TMCC1: variants seen among roughly 807,000 people sequenced by gnomAD.
TMCC1 encodes transmembrane and coiled-coil domain family 1, also known as transmembrane and coiled-coil domains protein 1.
A neutral mutation model predicts 52.4 loss-of-function variants in TMCC1; 15 were observed. The ratio of observed to expected loss-of-function variants is 0.29; its 90% confidence interval spans 0.19 to 0.44. The LOEUF is 0.44. TMCC1 is among the 20% of genes least tolerant of loss of function. The pLI is 1.00. For missense variants in TMCC1, 503 were observed against 806.0 expected (o/e 0.62, Z 4.55); for synonymous variants, 279 against 301.9 (o/e 0.92, Z 0.79).
chr3:129,678,762 G>A (rs2088698737), intron 4 of TMCC1, among the ~76,000 whole-genome samples: 1 of 152,136 alleles, frequency 6.6e-6, no homozygotes, highest in Non-Finnish European at 1.5e-5. Context: ...AGTTGTTCAA[G>A]ATCACAAATT....
At chr3:129,829,222 C>T (rs2058793539) in intron 3 of TMCC1, among the ~76,000 whole-genome samples, 1 of 152,120 alleles carries the variant, frequency 6.6e-6, no homozygotes, top group Non-Finnish European at 1.5e-5. Flanking sequence ...TACCAGCTAT[C>T]AAGAAAGGAG....
chr3:129,737,482 A>G (rs1035234381), intron 4 of TMCC1, among the ~76,000 whole-genome samples: 13 of 143,382 alleles, frequency 9.1e-5, no homozygotes, highest in African/African-American at 3.0e-4. Context: ...TCCATCTCAG[A>G]AAAAAAAAAA....
At chr3:129,882,898 T>G (rs1053221260) in intron 1 of TMCC1, among the ~76,000 whole-genome samples, 8 of 152,140 alleles carry the variant, frequency 5.3e-5, no homozygotes, top group Non-Finnish European at 1.2e-4. Flanking sequence ...TAAAAGACTT[T>G]CAGTTTGCAA....
chr3:129,823,611 G>A (rs540075541), intron 4 of TMCC1, among the ~76,000 whole-genome samples: 2 of 152,080 alleles, frequency 1.3e-5, no homozygotes, highest in South Asian at 4.2e-4. Flanking sequence ...AAAAAATGCT[G>A]TACTGAGATC....
chr3:129,709,901 C>T (rs1696808102), intron 4 of TMCC1, among the ~76,000 whole-genome samples: 1 of 151,878 alleles, frequency 6.6e-6, no homozygotes. Context: ...AAAACTGTGT[C>T]AGTAGCCAGG....
intron 4 of TMCC1, among the ~76,000 whole-genome samples, chr3:129,680,320 A>G (rs960728837): frequency 2.0e-5 from 3 of 152,208 alleles, no homozygotes; most frequent in African/African-American, 4.8e-5. Context: ...AGTGCTTACT[A>G]TGAACCTGGT....
intron 5 of TMCC1, among the ~76,000 whole-genome samples, chr3:129,658,478 C>T (rs1269581818): frequency 6.6e-6 from 1 of 152,198 alleles, no homozygotes; most frequent in African/African-American, 2.4e-5. Flanking sequence ...GTCTGTACAA[C>T]AACATGTATG....
At chr3:129,654,524 A>G (rs2086551383) in intron 6 of TMCC1, among the ~76,000 whole-genome samples, 1 of 152,242 alleles carries the variant, frequency 6.6e-6, no homozygotes, top group South Asian at 2.1e-4. Context: ...TAGATGGGCT[A>G]TTAGCCTTAA....
Position 129,670,482 on chromosome 3 carries a change from G to A in TMCC1, c.1359C>T (p.Asp453=). 1 of 1,614,180 alleles carries A rather than the reference G, an allele frequency of 6.2e-7. No homozygotes were observed. The highest frequency in any genetic ancestry group is 8.5e-7 in the Non-Finnish European group (1 of 1,180,020). ...GASSSKTNTL[D]MQSSGFDALL... The stretch of plus-strand genomic sequence containing the variant: ...GTGCATCAAATCCTGAGCTCTGCAT[G>A]TCCAGGGTGTTTGTTTTGGAGCTGG... Residue 453 remains aspartate, a synonymous_variant, in exon 5 of 7, where the codon GAC becomes GAT. Coordinates refer to ENST00000393238, the MANE Select transcript of TMCC1 (RefSeq NM_001017395.5).
chr3:129,800,329 C>A (rs905805347), intron 4 of TMCC1, among the ~76,000 whole-genome samples: 2 of 151,966 alleles, frequency 1.3e-5, no homozygotes, highest in African/African-American at 4.8e-5. Flanking sequence ...GCATATTTTT[C>A]TTGGGTATAT....
chr3:129,885,469 C>T (rs1455757868), intron 1 of TMCC1, among the ~76,000 whole-genome samples: 11 of 151,804 alleles, frequency 7.2e-5, no homozygotes. Context: ...CCTGTAATCC[C>T]AGCTACTCGG....
chr3:129,806,866 T>C (rs1341296318), intron 4 of TMCC1, among the ~76,000 whole-genome samples: 1 of 150,906 alleles, frequency 6.6e-6, no homozygotes, highest in Admixed American at 6.6e-5. Context: ...TTTAAGGAAA[T>C]CTACCAGAAA....
chr3:129,753,455 T>C (rs1279787356), intron 4 of TMCC1, among the ~76,000 whole-genome samples: 6 of 152,186 alleles, frequency 3.9e-5, no homozygotes, highest in African/African-American at 7.2e-5. Context: ...AAAAAGTCAT[T>C]AGCAAATCAA....
intron 4 of TMCC1, chr3:129,688,382 A>G: frequency 1.0e-6 from 1 of 985,430 alleles, no homozygotes; most frequent in Non-Finnish European, 1.2e-6. Context: ...GTTTCCGAGA[A>G]TAACGCTGCA....
chr3:129,809,850 T>G (rs1242465248), intron 4 of TMCC1, among the ~76,000 whole-genome samples: 1 of 152,218 alleles, frequency 6.6e-6, no homozygotes, highest in Non-Finnish European at 1.5e-5. Context: ...ACTAAAACAG[T>G]ACATTTAATC....
At chr3:129,740,157 A>G (rs2051335143) in intron 4 of TMCC1, among the ~76,000 whole-genome samples, 1 of 152,232 alleles carries the variant, frequency 6.6e-6, no homozygotes, top group South Asian at 2.1e-4. Context: ...ACTGCCTTGC[A>G]TGGAGCCTGG....
At chr3:129,784,039 T>C (rs1044945505) in intron 4 of TMCC1, among the ~76,000 whole-genome samples, 10 of 152,136 alleles carry the variant, frequency 6.6e-5, no homozygotes, top group African/African-American at 2.4e-4. Flanking sequence ...TGCAGTAGAA[T>C]GAAAACTGGA....
chr3:129,673,839 A>C (rs964819387), intron 4 of TMCC1, among the ~76,000 whole-genome samples: 2 of 152,184 alleles, frequency 1.3e-5, no homozygotes, highest in African/African-American at 4.8e-5. Context: ...GAAAAAAAAA[A>C]AAAATCTCTA....
At chr3:129,714,003 T>C (rs575743067) in intron 4 of TMCC1, among the ~76,000 whole-genome samples, 6 of 152,086 alleles carry the variant, frequency 3.9e-5, no homozygotes, top group African/African-American at 1.4e-4. Flanking sequence ...ACAGAATAAA[T>C]GAAAAGCCCC....
Sources: gnomAD v4.1 joint callset for allele counts (sites outside exome capture counted in the v4.1 genomes callset) on GRCh38, gnomAD v4.1.1 for gene constraint, MANE v1.5 for transcripts, NCBI Gene and HGNC (gene_info 2026-07-23, HGNC 2026-07-21) for gene names.